Variants in RASGRF2 observed in about 807,000 individuals in gnomAD.
RASGRF2 encodes ras-specific guanine nucleotide-releasing factor 2.
In RASGRF2, 76 loss-of-function variants were observed where a neutral mutation model predicts 151.0. The ratio of observed to expected loss-of-function variants is 0.50; its 90% CI spans 0.42 to 0.61. The LOEUF is 0.61. Ranked by LOEUF, RASGRF2 falls within the 20% of genes least tolerant of loss-of-function variation. The pLI is 0.00. For missense variants in RASGRF2, 1,148 were observed against 1,564.6 expected (o/e 0.73, Z 4.49); for synonymous variants, 504 against 566.5 (o/e 0.89, Z 1.57).
At chr5:81,112,228 AAAAC>A (rs1473847201) in intron 13 of RASGRF2, among the ~76,000 whole-genome samples, 5 of 152,250 alleles carry the variant, frequency 3.3e-5, no homozygotes, top group African/African-American at 1.2e-4. Flanking sequence ...GGAAGAAAGA[AAAAC>A]AAAAAATAGC....
intron 8 of RASGRF2, 97 bp from the exon 9 acceptor site, chr5:81,086,738 C>G: frequency 1.0e-6 from 1 of 989,026 alleles, no homozygotes. Context: ...TCGATACAAG[C>G]TTGCAACCGA....
intron 19 of RASGRF2, chr5:81,204,191 A>T (rs1755456755): frequency 6.6e-6 from 1 of 152,254 alleles, no homozygotes; most frequent in Non-Finnish European, 1.5e-5. Context: ...TGGAATGTTC[A>T]TCAATGCCCA....
chr5:81,165,259 TC>T (rs1754479520), intron 17 of RASGRF2, among the ~76,000 whole-genome samples: 1 of 152,174 alleles, frequency 6.6e-6, no homozygotes, highest in African/African-American at 2.4e-5. Flanking sequence ...TTTAGGAACC[TC>T]CTGACTCAGG....
At chr5:81,159,454 T>A (rs75648634) in intron 17 of RASGRF2, among the ~76,000 whole-genome samples, 6 of 152,316 alleles carry the variant, frequency 3.9e-5, no homozygotes, top group African/African-American at 1.4e-4. Flanking sequence ...AGAATCTGGA[T>A]GCAAAAGACC....
At chr5:81,085,707 G>A in intron 7 of RASGRF2, 95 bp from the exon 8 acceptor site, 2 of 1,547,522 alleles carry the variant, frequency 1.3e-6, no homozygotes, top group Non-Finnish European at 1.7e-6. Context: ...TGGGAGAGTA[G>A]AGACAAGCTT....
chr5:80,966,834 C>A (rs35673897), intron 1 of RASGRF2, among the ~76,000 whole-genome samples: 28,734 of 151,972 alleles, frequency 0.19, 3,066 homozygotes, highest in South Asian at 0.28. Flanking sequence ...ACAGTGACTA[C>A]AAAATGCTTC....
intron 1 of RASGRF2, among the ~76,000 whole-genome samples, chr5:81,039,030 G>T (rs1333497763): frequency 6.6e-6 from 1 of 151,828 alleles, no homozygotes; most frequent in African/African-American, 2.4e-5. Flanking sequence ...TATGATTTGG[G>T]CTTTGTGTCT....
intron 2 of RASGRF2, among the ~76,000 whole-genome samples, chr5:81,063,905 C>CT (rs1411475319): frequency 6.6e-6 from 1 of 151,930 alleles, no homozygotes; most frequent in Non-Finnish European, 1.5e-5. Context: ...TAGTAAGTAC[C>CT]TTTTTTCCTG....
intron 26 of RASGRF2, chr5:81,223,317 G>C (rs745584903): frequency 6.6e-6 from 1 of 152,210 alleles, no homozygotes; most frequent in Non-Finnish European, 1.5e-5. Flanking sequence ...TTCCCTACCA[G>C]TTATGGCCAC....
At position 81,113,772 on chromosome 5, in the gene RASGRF2, T is replaced by C. The variant is rs1273252531; in HGVS notation, c.2322T>C (p.Ala774=). The C allele has an allele frequency of 6.2e-7, 1 of 1,614,054 alleles. No individual in the cohort carries two copies. The highest frequency in any genetic ancestry group is 2.2e-5 in the East Asian group (1 of 44,870). Residue 774 remains alanine, a synonymous_variant, in exon 15 of 27, where the codon GCT becomes GCC. Transcript: ENST00000265080. ...SSPTTTTQSP[A]ASPPPHTGQI... ...CCACCACCACCACCCAGAGTCCCGC[T>C]GCGTCTCCACCACCACACACTGGTC... is the stretch of plus-strand genomic sequence containing the variant.
At chr5:81,057,352 A>G (rs1751253792) in intron 2 of RASGRF2, among the ~76,000 whole-genome samples, 3 of 152,256 alleles carry the variant, frequency 2.0e-5, no homozygotes, top group Admixed American at 2.0e-4. Flanking sequence ...CTCAGTCAAA[A>G]TAAGTGGGGT....
At chr5:81,168,829 TACTC>T (rs1236771306) in intron 17 of RASGRF2, among the ~76,000 whole-genome samples, 1 of 152,236 alleles carries the variant, frequency 6.6e-6, no homozygotes, top group Non-Finnish European at 1.5e-5. Flanking sequence ...CCCCTTGTCT[TACTC>T]AACCTCTCAG....
intron 17 of RASGRF2, among the ~76,000 whole-genome samples, chr5:81,176,965 C>T (rs1289537555): frequency 1.3e-5 from 2 of 152,030 alleles, no homozygotes; most frequent in African/African-American, 2.4e-5. Flanking sequence ...GAGGGGTGGT[C>T]CTTTGAGAGT....
intron 1 of RASGRF2, among the ~76,000 whole-genome samples, chr5:80,968,365 T>TTG (rs918865387): frequency 6.6e-6 from 1 of 152,042 alleles, no homozygotes; most frequent in African/African-American, 2.4e-5. Context: ...CATTTTTTTT[T>TTG]TTGTTAGACC....
chr5:81,180,043 C>A, intron 17 of RASGRF2, 132 bp from the exon 18 acceptor site: 1 of 609,478 alleles, frequency 1.6e-6, no homozygotes, highest in Non-Finnish European at 3.0e-6. Flanking sequence ...TAGTCTGAAG[C>A]CACGCGCACC....
At chr5:81,168,279 A>G (rs113435871) in intron 17 of RASGRF2, among the ~76,000 whole-genome samples, 1 of 137,742 alleles carries the variant, frequency 7.3e-6, no homozygotes, top group Non-Finnish European at 1.6e-5. Context: ...AATCATTCCT[A>G]TAGCATGCCA....
chr5:80,969,123 CTTTTT>C (rs551407326), intron 1 of RASGRF2, among the ~76,000 whole-genome samples: 4,492 of 93,354 alleles, frequency 0.048, 96 homozygotes, highest in African/African-American at 0.083. Flanking sequence ...GTGCAGGACT[CTTTTT>C]TTTTTTTTTT....
At chr5:81,046,733 A>G (rs916274619) in intron 2 of RASGRF2, among the ~76,000 whole-genome samples, 6 of 152,030 alleles carry the variant, frequency 3.9e-5, no homozygotes, top group African/African-American at 1.4e-4. Context: ...TGGTTGATTT[A>G]GTTGTAGACA....
chr5:81,051,524 C>A (rs1272134989), intron 2 of RASGRF2, among the ~76,000 whole-genome samples: 1 of 152,160 alleles, frequency 6.6e-6, no homozygotes, highest in Non-Finnish European at 1.5e-5. Context: ...CACTAATCTC[C>A]TTTCTGTGTT....
Sources: gnomAD v4.1 joint callset for allele counts (sites outside exome capture counted in the v4.1 genomes callset) on GRCh38, gnomAD v4.1.1 for gene constraint, MANE v1.5 for transcripts, NCBI Gene and HGNC (gene_info 2026-07-23, HGNC 2026-07-21) for gene names.